The following CACNA1B variants were observed in gnomAD, a reference collection of about 807,000 sequenced individuals.
CACNA1B encodes calcium voltage-gated channel subunit alpha1 B, also known as voltage-dependent N-type calcium channel subunit alpha-1B.
In CACNA1B, 70 loss-of-function variants were observed where a neutral mutation model predicts 247.2. That is an observed-to-expected ratio of 0.28 (90% CI 0.23 to 0.35). The LOEUF is 0.35. Among genes scored for constraint, CACNA1B ranks in the 10% least tolerant of loss-of-function variants. The pLI, the probability that CACNA1B is intolerant of heterozygous loss-of-function variation, is 1.00. For missense variants in CACNA1B, 2,367 were observed against 3,197.4 expected (o/e 0.74, Z 6.26); for synonymous variants, 1,231 against 1,294.4 (o/e 0.95, Z 1.05).
chr9:138,000,318 T>TGC (rs1958557936), intron 15 of CACNA1B, among the ~76,000 whole-genome samples: 2 of 152,040 alleles, frequency 1.3e-5, no homozygotes, highest in Non-Finnish European at 2.9e-5. Context: ...CAGGATGGTC[T>TGC]CGATCTCCTG....
chr9:138,063,182 G>A (rs536624009), intron 31 of CACNA1B, among the ~76,000 whole-genome samples: 1 of 152,164 alleles, frequency 6.6e-6, no homozygotes, highest in South Asian at 2.1e-4. Flanking sequence ...TGATCTCAGG[G>A]CTTTGGGAGG....
At chr9:137,951,157 G>A (rs1957873633) in intron 6 of CACNA1B, among the ~76,000 whole-genome samples, 1 of 152,248 alleles carries the variant, frequency 6.6e-6, no homozygotes, top group Non-Finnish European at 1.5e-5. Context: ...TGTGAGTCCG[G>A]ACAGAGGTGT....
intron 42 of CACNA1B, among the ~76,000 whole-genome samples, chr9:138,117,548 G>T (rs577320860): frequency 1.3e-5 from 2 of 152,196 alleles, no homozygotes; most frequent in Non-Finnish European, 2.9e-5. Context: ...TCCTTCCCAG[G>T]ATAGTCCTGT....
rs542899731 is a variant in CACNA1B, at chr9:138,108,822, T to TG, written c.5428+3016dup. 5.1e-4 allele frequency among the ~76,000 whole-genome samples: 78 copies of TG among 152,324 alleles called. No homozygotes were observed. The Middle Eastern group carries it at 0.014, about 27-fold the overall frequency. On this transcript the variant is annotated intron_variant, in intron 39 of 46. Coordinates refer to ENST00000371372, the MANE Select transcript of CACNA1B (RefSeq NM_000718.4). ...CGCCACCACGCCTGGCTAACTTTTT[T>TG]GTATTTTTAGTAGAGACAGGGTTTC...
At chr9:138,038,097 C>G (rs1008199793) in intron 20 of CACNA1B, among the ~76,000 whole-genome samples, 144 of 152,276 alleles carry the variant, frequency 9.5e-4, no homozygotes, top group African/African-American at 3.4e-3. Flanking sequence ...TGAATCAATG[C>G]CCTATTAACA....
Position 138,102,833 on chromosome 9 carries a change from C to T in CACNA1B, c.5319+26C>T. Reference sequence around the variant, plus strand: ...GTAGACCCTGACCCTGCAACCCGCCCCCCAGGAGGCTGTGTGTGCTTGCTG... The same window carrying T: ...GTAGACCCTGACCCTGCAACCCGCCTCCCAGGAGGCTGTGTGTGCTTGCTG... On this transcript the variant is annotated intron_variant, in intron 38 of 46. Transcript: ENST00000371372. This position sits in a 1 kb window ranked among gnomAD's most constrained non-coding sequence, Gnocchi z 5.4. The T allele has an allele frequency of 6.9e-7, 1 of 1,458,076 alleles. No individual in the cohort carries two copies. The highest frequency in any genetic ancestry group is 9.6e-7 in the Non-Finnish European group (1 of 1,044,744). 90.3% of individuals were successfully genotyped at this position (1,458,076 alleles called of 1,614,324 possible).
intron 36 of CACNA1B, among the ~76,000 whole-genome samples, chr9:138,087,657 G>A (rs1183112591): frequency 7.5e-6 from 1 of 133,414 alleles, no homozygotes; most frequent in Non-Finnish European, 1.5e-5. Flanking sequence ...GGAGGTTGCA[G>A]TGAGCCGAGA....
chr9:138,075,874 TC>T lies in CACNA1B; in HGVS notation c.4915del (p.Arg1639GlyfsTer7). 6.2e-7 allele frequency: 1 copy of T among 1,612,812 alleles called. No individual in the cohort carries two copies. The highest frequency in any genetic ancestry group is 8.5e-7 in the Non-Finnish European group (1 of 1,179,358). On this transcript the variant is annotated frameshift_variant, in exon 35 of 47. Coordinates refer to ENST00000371372, the MANE Select transcript of CACNA1B (RefSeq NM_000718.4). LOFTEE classifies it high-confidence loss of function. ...ACCAGCATCAACCGCCACAACAACT[TC>T]CGGACGTTTTTGCAAGCCCTGATGC... ...DDTSINRHNN[F>X]RTFLQALMLL...
intron 40 of CACNA1B, among the ~76,000 whole-genome samples, chr9:138,112,790 A>C (rs1272701378): frequency 6.6e-6 from 1 of 152,248 alleles, no homozygotes; most frequent in Non-Finnish European, 1.5e-5. Context: ...GATGTGAGGG[A>C]GTGCGGTGAG....
intron 3 of CACNA1B, among the ~76,000 whole-genome samples, chr9:137,911,000 A>G (rs182712241): frequency 6.6e-6 from 1 of 152,220 alleles, no homozygotes; most frequent in Admixed American, 6.5e-5. Context: ...TTCTTCTAAG[A>G]GTTTTCTAGT....
chr9:137,891,761 G>A lies in CACNA1B; in HGVS notation c.530+8878G>A. 3.0e-6 allele frequency: 1 copy of A among 328,602 alleles called. No individual in the cohort carries two copies. The highest frequency in any genetic ancestry group is 6.0e-6 in the Non-Finnish European group (1 of 166,680). 20.4% of individuals were successfully genotyped at this position (328,602 alleles called of 1,614,324 possible). On this transcript the variant is annotated intron_variant, in intron 3 of 46. Transcript: ENST00000371372. The surrounding 1 kb of genome is among the most constrained non-coding windows in gnomAD (Gnocchi z 4.3). ...GGCTGTGGGGCTGTAGAGTGGAGGG[G>A]CCTCCACCCTGCGTGCCTGTGTGCA...
At chr9:137,988,012 A>T (rs1442946510) in intron 15 of CACNA1B, among the ~76,000 whole-genome samples, 3 of 152,058 alleles carry the variant, frequency 2.0e-5, no homozygotes, top group Admixed American at 1.3e-4. Context: ...TTATTCCTCG[A>T]GTGGGAGGCA....
intron 15 of CACNA1B, among the ~76,000 whole-genome samples, chr9:138,004,467 T>C (rs990047777): frequency 1.7e-4 from 26 of 151,144 alleles, no homozygotes; most frequent in African/African-American, 6.3e-4. Flanking sequence ...TGAGGATTGA[T>C]TGGGCCCAGA....
chr9:138,098,164 G>T (rs1054733053), intron 37 of CACNA1B, among the ~76,000 whole-genome samples: 1 of 152,220 alleles, frequency 6.6e-6, no homozygotes, highest in African/African-American at 2.4e-5. Context: ...GACAATTTCC[G>T]TGGCTTGCGA....
rs949352111 is a variant in CACNA1B at position 138,014,521 on chromosome 9, A to G, written c.2267+1286A>G. On this transcript the variant is annotated intron_variant, in intron 18 of 46. Transcript: ENST00000371372. This position sits in a 1 kb window ranked among gnomAD's most constrained non-coding sequence, Gnocchi z 6.2. ...CTGGGGGCTCAGTCCTCAGTTGTTT[A>G]ATTTCGATCTTTCATTGTCTTGGCC... Among the ~76,000 whole-genome samples the G allele has an allele frequency of 8.6e-5, 13 of 152,044 alleles. No homozygotes were observed. The highest frequency in any genetic ancestry group is 3.1e-4 in the African/African-American group (13 of 41,402).
At chr9:138,078,067 TC>T in intron 35 of CACNA1B, 46 bp from the exon 36 acceptor site, 1 of 1,589,670 alleles carries the variant, frequency 6.3e-7, no homozygotes. Context: ...GGGCTCGGGC[TC>T]CCTCAAGGGC....
chr9:137,972,856 G>A (rs1361164973), intron 11 of CACNA1B, among the ~76,000 whole-genome samples: 6 of 152,204 alleles, frequency 3.9e-5, no homozygotes, highest in Non-Finnish European at 7.4e-5. Flanking sequence ...GCTGCAGGTC[G>A]AGAAGCAGCT....
At chr9:137,977,711 C>G (rs1014762838) in intron 12 of CACNA1B, among the ~76,000 whole-genome samples, 1 of 152,138 alleles carries the variant, frequency 6.6e-6, no homozygotes, top group Non-Finnish European at 1.5e-5. Context: ...GGTGGGCACG[C>G]CGCCCCCTGA....
chr9:138,086,250 A>G (rs989460759), intron 36 of CACNA1B, among the ~76,000 whole-genome samples: 3 of 151,316 alleles, frequency 2.0e-5, no homozygotes, highest in South Asian at 2.1e-4. Flanking sequence ...CACATCATCT[A>G]TAAGGACACA....
Sources: gnomAD v4.1 joint callset for allele counts (sites outside exome capture counted in the v4.1 genomes callset) on GRCh38, gnomAD v4.1.1 for gene constraint, Gnocchi (gnomAD v3.1) non-coding constraint, MANE v1.5 for transcripts, NCBI Gene and HGNC (gene_info 2026-07-23, HGNC 2026-07-21) for gene names.